Variants in CFAP99 observed in about 807,000 individuals in gnomAD.
CFAP99 encodes cilia and flagella associated protein 99, also known as cilia- and flagella-associated protein 99.
CFAP99 carries 84 observed loss-of-function variants against 82.7 expected under a neutral mutation model. The observed-to-expected ratio is 1.02, with a 90% CI of 0.85 to 1.22. The LOEUF (loss-of-function observed/expected upper bound fraction) is 1.22, where lower values mean the gene tolerates loss of function less well. CFAP99 is among the 50% of genes most tolerant of loss of function. The probability of loss-of-function intolerance (pLI) is 0.00; values close to 1 mark genes in which losing one functional copy is unlikely to be tolerated. For synonymous variants in CFAP99, 456 were observed against 429.5 expected, an observed-to-expected ratio of 1.06 and a Z score of -0.76; for missense variants, 1,059 against 983.5, an observed-to-expected ratio of 1.08 and a Z score of -1.03.
Position 2,447,431 on chromosome 4 carries a change from A to G in CFAP99, c.642+2123A>G, listed in dbSNP as rs1578476629. Among the ~76,000 whole-genome samples, 6 of 150,418 alleles carry G rather than the reference A, an allele frequency of 4.0e-5. 2 individuals are homozygous for G. The highest frequency in any genetic ancestry group is 4.0e-4 in the Admixed American group (6 of 15,072). On this transcript the variant is annotated intron_variant, in intron 6 of 14. Coordinates refer to ENST00000635017, the Ensembl canonical transcript of CFAP99. ...TGGGTGGGTGAGTGAATGGGTGATC[A>G]GTTGGATGGATAGATGATCAAATGG...
rs1327979869 is a variant in CFAP99 at position 2,446,345 on chromosome 4, TTTTA to T, written c.642+1041_642+1044del. 1.3e-5 allele frequency among the ~76,000 whole-genome samples: 2 copies of T among 151,704 alleles called. No homozygotes were observed. The highest frequency in any genetic ancestry group is 4.9e-5 in the African/African-American group (2 of 41,236). ...CCATCTTATTTGTCCCATATTCTCT[TTTTA>T]TTTCATTTTATTATTGTTGTTATTA... is the stretch of plus-strand genomic sequence containing the variant. On this transcript the variant is annotated intron_variant, in intron 6 of 14. Transcript: ENST00000635017. This position sits in a 1 kb window ranked among gnomAD's most constrained non-coding sequence, Gnocchi z 5.0.
At chr4:2,459,339 C>T (rs1399884201) in intron 13 of CFAP99, 81 bp downstream of exon 13, 1 of 1,428,292 alleles carries the variant, frequency 7.0e-7, no homozygotes, top group Non-Finnish European at 9.2e-7. Flanking sequence ...TCCAGGGTTC[C>T]CACCAGAGCC....
chr4:2,436,925 C>T, exon 3 of CFAP99: 1 of 1,536,098 alleles, frequency 6.5e-7, no homozygotes, highest in Non-Finnish European at 8.7e-7. Context: ...GTCTGGGTGC[C>T]TCGAGTACCG....
intron 3 of CFAP99, 144 bp from the exon 4 acceptor site, chr4:2,437,926 A>G: frequency 1.8e-6 from 1 of 567,956 alleles, no homozygotes; most frequent in South Asian, 2.1e-5. Flanking sequence ...GTGTTCGCTT[A>G]TCATTTTCAG....
At chr4:2,450,849 C>A in intron 8 of CFAP99, 98 bp from the exon 9 acceptor site, 2 of 1,005,682 alleles carry the variant, frequency 2.0e-6, no homozygotes, top group Non-Finnish European at 3.0e-6. Flanking sequence ...GTGAGCCAGG[C>A]CTCCCCAGGG....
chr4:2,431,330 C>T (rs895790928), intron 2 of CFAP99, among the ~76,000 whole-genome samples: 3 of 151,298 alleles, frequency 2.0e-5, no homozygotes, highest in Non-Finnish European at 2.9e-5. Context: ...GATCGCACCA[C>T]GGCACTCAAG....
chr4:2,433,669 C>T (rs573523106), intron 2 of CFAP99, among the ~76,000 whole-genome samples: 17 of 152,302 alleles, frequency 1.1e-4, no homozygotes, highest in Middle Eastern at 6.8e-3. Context: ...TCCTCTCTGG[C>T]GAGCGCCCAG....
intron 1 of CFAP99, among the ~76,000 whole-genome samples, chr4:2,423,770 G>A (rs1733628513): frequency 6.6e-6 from 1 of 152,268 alleles, no homozygotes; most frequent in African/African-American, 2.4e-5. Context: ...AATGGCTTCT[G>A]ATCTGGTGTT....
chr4:2,450,845 C>A, intron 8 of CFAP99, 102 bp from the exon 9 acceptor site: 2 of 968,036 alleles, frequency 2.1e-6, no homozygotes, highest in Non-Finnish European at 3.2e-6. Flanking sequence ...AGGGGTGAGC[C>A]AGGCCTCCCC....
intron 10 of CFAP99, 79 bp downstream of exon 10, chr4:2,451,431 G>A (rs1734299380): frequency 3.6e-6 from 5 of 1,393,502 alleles, no homozygotes; most frequent in Non-Finnish European, 4.9e-6. Flanking sequence ...GGGCCTGGGG[G>A]CTGGGCAGCT....
Position 2,448,947 on chromosome 4 carries a change from C to T in CFAP99, c.643-723C>T, listed in dbSNP as rs924793499. Among the ~76,000 whole-genome samples, 10 of 152,130 alleles carry T rather than the reference C, an allele frequency of 6.6e-5. No individual in the cohort carries two copies. Among genetic ancestry groups the T allele is most frequent in the Non-Finnish European group, 1.3e-4 (9 of 68,010 alleles). ...TGAGAGACAGAGGTGACAAGGAGGA[C>T]TCTGAGGCATGGGTGAGGAATGGAC... On this transcript the variant is annotated intron_variant, in intron 6 of 14. Transcript: ENST00000635017. The surrounding 1 kb of genome is among the most constrained non-coding windows in gnomAD (Gnocchi z 5.2).
At chr4:2,423,679 T>A (rs1230351143) in intron 1 of CFAP99, among the ~76,000 whole-genome samples, 1 of 152,182 alleles carries the variant, frequency 6.6e-6, no homozygotes, top group Non-Finnish European at 1.5e-5. Flanking sequence ...CTGGGCAGCC[T>A]CACCCACAAA....
chr4:2,422,286 A>G (rs546146158), intron 1 of CFAP99, among the ~76,000 whole-genome samples: 1 of 152,270 alleles, frequency 6.6e-6, no homozygotes, highest in African/African-American at 2.4e-5. Context: ...CGCCCCAGGG[A>G]CCTTCAGGCC....
Position 2,462,225 on chromosome 4 carries a change from GTGCTGGAGAC to G in CFAP99, c.1662-216_1662-207del. On this transcript the variant is annotated intron_variant, in intron 14 of 14. Coordinates refer to ENST00000635017, the Ensembl canonical transcript of CFAP99. The surrounding 1 kb of genome is among the most constrained non-coding windows in gnomAD (Gnocchi z 4.1). ...AAAAAGAGCAAAAGGGTAGATAGAA[GTGCTGGAGAC>G]TCCCCCAACCCCTCCAGCCCCTGAG... The G allele has an allele frequency of 4.6e-6, 2 of 431,770 alleles. No individual in the cohort carries two copies. Among genetic ancestry groups the G allele is most frequent in the South Asian group, 1.1e-4 (2 of 17,764 alleles). 26.7% of individuals were successfully genotyped at this position (431,770 alleles called of 1,614,324 possible). A position where few individuals can be genotyped will look rare whatever the true frequency, so the allele number is the denominator to read the frequency against.
intron 1 of CFAP99, among the ~76,000 whole-genome samples, chr4:2,422,296 C>T (rs566462153): frequency 2.6e-5 from 4 of 152,272 alleles, no homozygotes; most frequent in South Asian, 4.1e-4. Context: ...ACCTTCAGGC[C>T]GGACAGTGAA....
chr4:2,434,015 G>A (rs1017886935), intron 2 of CFAP99, among the ~76,000 whole-genome samples: 2 of 152,224 alleles, frequency 1.3e-5, no homozygotes, highest in African/African-American at 2.4e-5. Context: ...GGGAGCAAGA[G>A]GAGAGGCAGG....
In CFAP99 at chr4:2,449,903, TG is replaced by T. The variant is rs1434239309; in HGVS notation, c.724-28del. On this transcript the variant is annotated intron_variant, in intron 7 of 14. Coordinates refer to ENST00000635017, the Ensembl canonical transcript of CFAP99. Reference sequence around the variant, plus strand: ...CTGGAGGACACTGGGCAGAGGCTGGTGGGACTGGAGCCGCTGTGTCACTGTG... The same window carrying T: ...CTGGAGGACACTGGGCAGAGGCTGGTGGACTGGAGCCGCTGTGTCACTGTG... The T allele has an allele frequency of 2.6e-6, 4 of 1,535,820 alleles. No individual in the cohort carries two copies. In the East Asian group the frequency reaches 7.3e-5, roughly 28 times the overall value.
intron 4 of CFAP99, among the ~76,000 whole-genome samples, chr4:2,439,837 C>G (rs1318763641): frequency 6.6e-6 from 1 of 151,958 alleles, no homozygotes; most frequent in Admixed American, 6.6e-5. Context: ...TCTTCTATTA[C>G]TATCTTGACA....
chr4:2,461,753 C>T (rs1734625939), intron 14 of CFAP99, among the ~76,000 whole-genome samples: 2 of 152,212 alleles, frequency 1.3e-5, no homozygotes, highest in African/African-American at 2.4e-5. Context: ...ATGCAAATAT[C>T]CTAAGGCTGT....
Sources: gnomAD v4.1 joint callset for allele counts (sites outside exome capture counted in the v4.1 genomes callset) on GRCh38, gnomAD v4.1.1 for gene constraint, Gnocchi (gnomAD v3.1) non-coding constraint, MANE v1.5 for transcripts, NCBI Gene and HGNC (gene_info 2026-07-23, HGNC 2026-07-21) for gene names.